ZNF560: variants seen among roughly 807,000 people sequenced by gnomAD.
ZNF560 encodes zinc finger protein 560.
Under a neutral mutation model 81.8 loss-of-function variants are expected in ZNF560, and 54 were observed. The observed-to-expected ratio is 0.66, with a 90% CI of 0.53 to 0.83. The LOEUF is 0.83. Ranked by LOEUF, ZNF560 falls within the 40% of genes least tolerant of loss-of-function variation. The probability of loss-of-function intolerance (pLI) is 0.00; values close to 1 mark genes in which losing one functional copy is unlikely to be tolerated. For missense variants in ZNF560, 940 were observed against 932.4 expected (o/e 1.01, Z -0.11); for synonymous variants, 321 against 317.9 (o/e 1.01, Z -0.10).
At chr19:9,492,775 GAACA>G (rs906505245) in intron 2 of ZNF560, among the ~76,000 whole-genome samples, 7 of 152,190 alleles carry the variant, frequency 4.6e-5, no homozygotes, top group African/African-American at 1.7e-4. Flanking sequence ...ACCACAGTCA[GAACA>G]AACAGGCCCA....
chr19:9,470,402 C>T lies in ZNF560; in HGVS notation c.438G>A (p.Leu146=), dbSNP rs199808525. The change falls in exon 7 of 10, where the codon CTG becomes CTA. Residue 146 remains leucine (L), a synonymous_variant. Coordinates refer to ENST00000301480, the MANE Select transcript of ZNF560 (RefSeq NM_152476.3). The part of the protein sequence containing the change: ...SDVMLENYKN[L]SSVGYQLFKP... ...TGATGCCAGACTTACCTACTGAGGA[C>T]AGGTTCTTGTAGTTCTCCAGCATCA... The T allele has an allele frequency of 3.5e-5, 56 of 1,611,710 alleles. No homozygotes were observed. The highest frequency in any genetic ancestry group is 4.5e-5 in the Non-Finnish European group (53 of 1,178,930).
At chr19:9,464,210 C>G (rs1251705146), downstream of ZNF560, among the ~76,000 whole-genome samples, 1 of 152,134 alleles carries the variant, frequency 6.6e-6, no homozygotes, top group African/African-American at 2.4e-5. Context: ...TCAAGCACAG[C>G]AGAATATCAT....
intron 2 of ZNF560, among the ~76,000 whole-genome samples, chr19:9,477,620 G>A (rs1245700044): frequency 1.3e-5 from 2 of 152,208 alleles, no homozygotes; most frequent in Non-Finnish European, 2.9e-5. Context: ...AAAACATGCA[G>A]AGCAGCAATC....
intron 2 of ZNF560, 81 bp from the exon 3 acceptor site, chr19:9,475,450 T>A (rs775845603): frequency 2.7e-6 from 2 of 746,642 alleles, no homozygotes; most frequent in East Asian, 5.4e-5. Context: ...TCCAACCTGG[T>A]TCGAAATTCT....
At chr19:9,496,305 C>T (rs2073556724) in intron 2 of ZNF560, among the ~76,000 whole-genome samples, 1 of 151,986 alleles carries the variant, frequency 6.6e-6, no homozygotes, top group African/African-American at 2.4e-5. Context: ...AGGATCGTGA[C>T]ACTGCACTCC....
upstream of ZNF560, among the ~76,000 whole-genome samples, chr19:9,502,964 T>C (rs2073643725): frequency 6.6e-6 from 1 of 152,174 alleles, no homozygotes; most frequent in African/African-American, 2.4e-5. Flanking sequence ...GTATTTCCCT[T>C]CTTTATTATT....
intron 2 of ZNF560, among the ~76,000 whole-genome samples, chr19:9,476,663 G>A (rs2073207381): frequency 6.6e-6 from 1 of 152,070 alleles, no homozygotes. Flanking sequence ...CCTGTGAAGA[G>A]GTGTCTTCTG....
At chr19:9,484,159 G>A (rs994983925) in intron 2 of ZNF560, among the ~76,000 whole-genome samples, 1 of 152,106 alleles carries the variant, frequency 6.6e-6, no homozygotes, top group Non-Finnish European at 1.5e-5. Context: ...CACTGTGGAA[G>A]GCCCCAGGGT....
the ZNF560 span, among the ~76,000 whole-genome samples, chr19:9,459,287 G>A: frequency 6.6e-6 from 1 of 152,328 alleles, no homozygotes; most frequent in East Asian, 1.9e-4. Context: ...AAGGCCGATT[G>A]TTATCAGCAG....
chr19:9,448,225 T>TG, the ZNF560 span, among the ~76,000 whole-genome samples: 165 of 151,126 alleles, frequency 1.1e-3, no homozygotes, highest in South Asian at 6.9e-3. Context: ...TGTGTGCGTG[T>TG]GGCGGGGGGT....
intron 2 of ZNF560, among the ~76,000 whole-genome samples, chr19:9,492,623 G>C (rs532656820): frequency 5.3e-5 from 8 of 152,294 alleles, no homozygotes; most frequent in African/African-American, 1.7e-4. Context: ...CTCAGAAGCA[G>C]CTAGTCTAAA....
the ZNF560 span, among the ~76,000 whole-genome samples, chr19:9,460,608 T>C: frequency 6.6e-6 from 1 of 152,198 alleles, no homozygotes; most frequent in South Asian, 2.1e-4. Context: ...CCCATCTGTT[T>C]GGGAAAGGCC....
At chr19:9,470,637 C>T (rs768162067) in intron 6 of ZNF560, 119 bp from the exon 7 acceptor site, 388 of 1,398,530 alleles carry the variant, frequency 2.8e-4, no homozygotes, top group Non-Finnish European at 3.5e-4. Flanking sequence ...ACTATCTACA[C>T]CCCAAGGTTC....
upstream of ZNF560, among the ~76,000 whole-genome samples, chr19:9,501,696 G>A (rs139703897): frequency 4.0e-3 from 598 of 150,956 alleles, 4 homozygotes; most frequent in African/African-American, 0.014. Context: ...ATGAGGTTTC[G>A]CCATGTTACC....
At position 9,471,357 on chromosome 19, in the gene ZNF560, G is replaced by C. The variant is rs776929050; in HGVS notation, c.260C>G (p.Thr87Ser). 6.3e-7 allele frequency: 1 copy of C among 1,585,860 alleles called. No homozygotes were observed. The highest frequency in any genetic ancestry group is 8.6e-7 in the Non-Finnish European group (1 of 1,168,336). ...CTCCTGCTGCAGTGCTGAAACACTG[G>C]TTTGATGTTTTATTGCCCAGTCTGA... is the stretch of plus-strand genomic sequence containing the variant. Reference protein sequence around the residue: ...VLQDWAIKHQTSVSALQQEFW... With the variant: ...VLQDWAIKHQSSVSALQQEFW... Residue 87 changes from threonine to serine, a missense_variant, in exon 6 of 10, where the codon ACC becomes AGC. Thr to Ser is a moderately conservative substitution (Grantham distance 58). Transcript: ENST00000301480.
chr19:9,470,528 C>T lies in ZNF560; in HGVS notation c.322-10G>A. 2.5e-6 allele frequency: 4 copies of T among 1,614,206 alleles called. No individual in the cohort carries two copies. Among genetic ancestry groups the T allele is most frequent in the Middle Eastern group, 1.6e-4 (1 of 6,062 alleles). On this transcript the variant is annotated splice_polypyrimidine_tract_variant and intron_variant, in intron 6 of 9. Transcript: ENST00000301480. The stretch of plus-strand genomic sequence containing the variant: ...CAAAGGTTACCAGGTCCTAAACCAT[C>T]AGACACATGCTGATTTGAGCCAAGC...
intron 2 of ZNF560, among the ~76,000 whole-genome samples, chr19:9,494,153 A>G (rs1438216576): frequency 6.6e-6 from 1 of 151,422 alleles, no homozygotes; most frequent in Non-Finnish European, 1.5e-5. Context: ...AAAAAAAGAA[A>G]TTAATATGGC....
intron 2 of ZNF560, among the ~76,000 whole-genome samples, chr19:9,478,171 G>A (rs963460172): frequency 5.9e-5 from 9 of 152,186 alleles, no homozygotes; most frequent in Admixed American, 1.3e-4. Context: ...ACATATGAAC[G>A]AGTTCCAATA....
the ZNF560 span, among the ~76,000 whole-genome samples, chr19:9,454,773 G>C: frequency 2.6e-5 from 4 of 151,066 alleles, no homozygotes; most frequent in South Asian, 2.1e-4. Flanking sequence ...TCCTATAACT[G>C]TCTGGTCAGT....
Sources: allele counts gnomAD v4.1 joint callset (sites outside exome capture counted in the v4.1 genomes callset), GRCh38; gene constraint gnomAD v4.1.1; transcripts MANE v1.5; gene names NCBI Gene and HGNC (gene_info 2026-07-23, HGNC 2026-07-21).